Variants in MAP3K1 observed in about 807,000 individuals in gnomAD.
MAP3K1 encodes MAP/ERK kinase kinase 1.
A neutral mutation model predicts 144.2 loss-of-function variants in MAP3K1; 36 were observed. The observed-to-expected ratio is 0.25, with a 90% CI of 0.19 to 0.33. The LOEUF is 0.33. Ranked by LOEUF, MAP3K1 falls within the 10% of genes least tolerant of loss-of-function variation. The probability of loss-of-function intolerance (pLI) is 1.00; values close to 1 mark genes in which losing one functional copy is unlikely to be tolerated. For missense variants in MAP3K1, 1,650 were observed against 1,881.9 expected (o/e 0.88, Z 2.28); for synonymous variants, 718 against 688.7 (o/e 1.04, Z -0.67).
chr5:56,858,941 A>G (rs1747417773), intron 2 of MAP3K1, among the ~76,000 whole-genome samples: 1 of 152,068 alleles, frequency 6.6e-6, no homozygotes, highest in African/African-American at 2.4e-5. Flanking sequence ...TTTGGTGAAC[A>G]CAGCAACTGG....
intron 1 of MAP3K1, among the ~76,000 whole-genome samples, chr5:56,833,237 A>C (rs1581212474): frequency 6.6e-6 from 1 of 152,212 alleles, no homozygotes; most frequent in East Asian, 1.9e-4. Context: ...ATACATTTAA[A>C]TTTCAGTGTT....
At position 56,849,561 on chromosome 5, in the gene MAP3K1, A is replaced by G. The variant is rs1475143775; in HGVS notation, c.483-7039A>G. ...TTCAGAATGTGAGCCATTTTTATAC[A>G]TTGTTACTTCTTATGTAAACCTACC... On this transcript the variant is annotated intron_variant, in intron 1 of 19. Coordinates refer to ENST00000399503, the MANE Select transcript of MAP3K1 (RefSeq NM_005921.2). 5.3e-5 allele frequency among the ~76,000 whole-genome samples: 8 copies of G among 152,326 alleles called. No individual in the cohort carries two copies. In the East Asian group the frequency reaches 1.5e-3, roughly 29 times the overall value.
In MAP3K1 at chr5:56,859,937, T is replaced by C. The variant is rs375196195; in HGVS notation, c.834+22T>C. On this transcript the variant is annotated intron_variant, in intron 3 of 19. Transcript: ENST00000399503. Reference sequence around the variant, plus strand: ...GCCTGTAAGTTAATGTTACAACAAATATGTTAGTTTTTATAATTTTTAGCT... The same window carrying C: ...GCCTGTAAGTTAATGTTACAACAAACATGTTAGTTTTTATAATTTTTAGCT... 3 of 1,560,994 alleles carry C rather than the reference T, an allele frequency of 1.9e-6. No homozygotes were observed. The African/African-American group carries it at 4.1e-5, about 21-fold the overall frequency.
At chr5:56,838,521 C>G (rs1405552133) in intron 1 of MAP3K1, among the ~76,000 whole-genome samples, 1 of 152,180 alleles carries the variant, frequency 6.6e-6, no homozygotes, top group East Asian at 1.9e-4. Context: ...ATGATTCAGA[C>G]TATATTTAGG....
chr5:56,861,650 T>C (rs1293140790), intron 3 of MAP3K1, among the ~76,000 whole-genome samples: 2 of 152,038 alleles, frequency 1.3e-5, no homozygotes, highest in Non-Finnish European at 2.9e-5. Flanking sequence ...CCAAACTTTC[T>C]TTCATATACT....
At position 56,890,961 on chromosome 5, in the gene MAP3K1, G is replaced by A. The variant is rs573079608; in HGVS notation, c.4390-2570G>A. ...CTCAGGAGGTTGAGGTGGGAGGATCGCTTGAGCCCAGGAGGTCAAAGCTGC... is the reference window on the plus strand; with the variant it reads ...CTCAGGAGGTTGAGGTGGGAGGATCACTTGAGCCCAGGAGGTCAAAGCTGC... On this transcript the variant is annotated intron_variant, in intron 19 of 19. Coordinates refer to ENST00000399503, the MANE Select transcript of MAP3K1 (RefSeq NM_005921.2). 5.9e-5 allele frequency among the ~76,000 whole-genome samples: 9 copies of A among 152,094 alleles called. No homozygotes were observed. The South Asian group carries it at 1.9e-3, about 32-fold the overall frequency.
intron 3 of MAP3K1, among the ~76,000 whole-genome samples, chr5:56,863,108 T>G (rs866136729): frequency 8.5e-5 from 13 of 152,192 alleles, no homozygotes; most frequent in African/African-American, 3.1e-4. Flanking sequence ...CATGCCCAAG[T>G]AAGGCAAACA....
intron 6 of MAP3K1, among the ~76,000 whole-genome samples, chr5:56,870,431 A>G (rs746793824): frequency 1.3e-5 from 2 of 152,250 alleles, no homozygotes; most frequent in Non-Finnish European, 2.9e-5. Context: ...TTTATGAAAT[A>G]GAAAACTAAA....
intron 19 of MAP3K1, among the ~76,000 whole-genome samples, chr5:56,889,894 C>T (rs1376511355): frequency 3.3e-5 from 5 of 152,174 alleles, no homozygotes; most frequent in Admixed American, 2.6e-4. Flanking sequence ...ATATAACCTC[C>T]TCAGTCACCT....
intron 6 of MAP3K1, among the ~76,000 whole-genome samples, chr5:56,869,572 A>G (rs747857719): frequency 6.6e-6 from 1 of 152,240 alleles, no homozygotes; most frequent in African/African-American, 2.4e-5. Context: ...ATATATATAC[A>G]TAAATGATCT....
chr5:56,822,026 T>C (rs1473603905), intron 1 of MAP3K1, among the ~76,000 whole-genome samples: 1 of 152,146 alleles, frequency 6.6e-6, no homozygotes, highest in Non-Finnish European at 1.5e-5. Flanking sequence ...TTGGTATTTA[T>C]TTATTTATTT....
chr5:56,860,640 G>A (rs1202677600), intron 3 of MAP3K1, among the ~76,000 whole-genome samples: 1 of 152,106 alleles, frequency 6.6e-6, no homozygotes, highest in East Asian at 1.9e-4. Flanking sequence ...ATCACCTGAG[G>A]TCAGGAGTTC....
At chr5:56,821,434 T>A (rs1002559324) in intron 1 of MAP3K1, among the ~76,000 whole-genome samples, 3 of 152,246 alleles carry the variant, frequency 2.0e-5, no homozygotes, top group Non-Finnish European at 4.4e-5. Flanking sequence ...TACACAGTAC[T>A]GTAGTTAGTA....
intron 4 of MAP3K1, 84 bp downstream of exon 4, chr5:56,865,018 T>G: frequency 8.0e-7 from 1 of 1,245,360 alleles, no homozygotes; most frequent in Non-Finnish European, 1.2e-6. Context: ...TTCTTAAATT[T>G]AGATCAATTA....
chr5:56,874,092 A>G (rs1390018544), intron 9 of MAP3K1, among the ~76,000 whole-genome samples: 1 of 152,182 alleles, frequency 6.6e-6, no homozygotes, highest in Non-Finnish European at 1.5e-5. Context: ...AAGACAGTTA[A>G]AACATAGGTA....
chr5:56,819,729 G>C (rs896254623), intron 1 of MAP3K1, among the ~76,000 whole-genome samples: 1 of 152,184 alleles, frequency 6.6e-6, no homozygotes. Context: ...TAGGAACTGC[G>C]TGTATATTAC....
At chr5:56,880,211 T>C (rs777887315) in intron 11 of MAP3K1, among the ~76,000 whole-genome samples, 14 of 152,200 alleles carry the variant, frequency 9.2e-5, no homozygotes, top group Non-Finnish European at 1.9e-4. Context: ...CTGCTCACTT[T>C]TTGAAACTCC....
At chr5:56,866,003 C>T in intron 6 of MAP3K1, 26 bp downstream of exon 6, 1 of 1,549,082 alleles carries the variant, frequency 6.5e-7, no homozygotes, top group Non-Finnish European at 8.9e-7. Context: ...GGATTTCAAA[C>T]ATTAATCCAG....
At position 56,815,582 on chromosome 5, in the gene MAP3K1, G is replaced by A. The variant is rs1158728080; in HGVS notation, c.9G>A (p.Ala3=). 4 of 1,299,034 alleles carry A rather than the reference G, an allele frequency of 3.1e-6. No homozygotes were observed. The highest frequency in any genetic ancestry group is 2.9e-6 in the Non-Finnish European group (3 of 1,026,742). The allele number at this position is 1,299,034 out of a possible 1,614,324, so 80.5% of individuals were successfully genotyped here. A position where few individuals can be genotyped will look rare whatever the true frequency, so the allele number is the denominator to read the frequency against. Reference sequence around the variant, plus strand: ...GTAGCCCGCGAGAGAAAATGGCGGCGGCGGCGGGGAATCGCGCCTCGTCGT... The same window carrying A: ...GTAGCCCGCGAGAGAAAATGGCGGCAGCGGCGGGGAATCGCGCCTCGTCGT... MA[A]AAGNRASSSG... The change falls in exon 1 of 20, where the codon GCG becomes GCA. Residue 3 remains alanine, a synonymous_variant. Transcript: ENST00000399503.
Sources: allele counts gnomAD v4.1 joint callset (sites outside exome capture counted in the v4.1 genomes callset), GRCh38; gene constraint gnomAD v4.1.1; transcripts MANE v1.5; gene names NCBI Gene and HGNC (gene_info 2026-07-23, HGNC 2026-07-21).